VSNL1: variants seen among roughly 807,000 people sequenced by gnomAD.
VSNL1 encodes the protein visinin-like protein 1.
VSNL1 carries 6 observed loss-of-function variants against 20.4 expected under a neutral mutation model. The ratio of observed to expected loss-of-function variants is 0.29; its 90% CI spans 0.16 to 0.58. The LOEUF (loss-of-function observed/expected upper bound fraction) is 0.58, where lower values mean the gene tolerates loss of function less well. Among genes scored for constraint, VSNL1 ranks in the 20% least tolerant of loss-of-function variants. VSNL1 has a pLI of 0.90. For missense variants in VSNL1, 100 were observed against 234.5 expected, an observed-to-expected ratio of 0.43 and a Z score of 3.75; for synonymous variants, 93 against 86.4, an observed-to-expected ratio of 1.08 and a Z score of -0.42.
At chr2:17,636,045 A>C (rs116103496) in intron 2 of VSNL1, among the ~76,000 whole-genome samples, 6,644 of 152,038 alleles carry the variant, frequency 0.044, 523 homozygotes, top group African/African-American at 0.15. Context: ...GGCGGGTGTC[A>C]GGATTTGGTG....
chr2:17,560,501 A>G (rs1320734919), intron 1 of VSNL1, among the ~76,000 whole-genome samples: 6 of 152,178 alleles, frequency 3.9e-5, no homozygotes, highest in Admixed American at 3.3e-4. Context: ...CAAAGGTGGC[A>G]TTTCAATTCA....
At chr2:17,636,031 T>C (rs1196376390) in intron 2 of VSNL1, among the ~76,000 whole-genome samples, 1 of 132,036 alleles carries the variant, frequency 7.6e-6, no homozygotes, top group East Asian at 2.2e-4. Context: ...TGGCATGGGG[T>C]GGGGGCGGGT....
chr2:17,636,078 A>G (rs1665741978), intron 2 of VSNL1, among the ~76,000 whole-genome samples: 1 of 152,108 alleles, frequency 6.6e-6, no homozygotes, highest in South Asian at 2.1e-4. Flanking sequence ...CCCCAGAGTA[A>G]CATTTTAGAA....
At chr2:17,606,498 T>C (rs982361199) in intron 2 of VSNL1, among the ~76,000 whole-genome samples, 7 of 152,150 alleles carry the variant, frequency 4.6e-5, no homozygotes, top group African/African-American at 1.7e-4. Flanking sequence ...GTGCCTACAC[T>C]TCTAGCTTAG....
intron 2 of VSNL1, among the ~76,000 whole-genome samples, chr2:17,604,724 G>A (rs1208213591): frequency 1.3e-5 from 2 of 152,230 alleles, no homozygotes; most frequent in Non-Finnish European, 1.5e-5. Context: ...ATTTTGGTCT[G>A]AAAGCAAAGA....
intron 1 of VSNL1, among the ~76,000 whole-genome samples, chr2:17,544,119 A>T (rs1663356670): frequency 1.3e-5 from 2 of 152,172 alleles, no homozygotes; most frequent in South Asian, 4.1e-4. Flanking sequence ...CCCACTTGGG[A>T]TCTCTTTCTC....
rs1210013943 is a variant in VSNL1, at chr2:17,634,513, T to C, written c.163-14897T>C. On this transcript the variant is annotated intron_variant, in intron 2 of 3. Transcript: ENST00000295156. The surrounding 1 kb of genome is among the most constrained non-coding windows in gnomAD (Gnocchi z 4.3). ...AGAAGCAAGAAATAAAAAGGCAATG[T>C]GTGACATTTCCCAAGGTGCAGACAA... Among the ~76,000 whole-genome samples the C allele has an allele frequency of 6.6e-6, 1 of 152,098 alleles. No individual in the cohort carries two copies. Among genetic ancestry groups the C allele is most frequent in the Non-Finnish European group, 1.5e-5 (1 of 68,022 alleles).
At chr2:17,568,571 C>G (rs1664009778) in intron 1 of VSNL1, among the ~76,000 whole-genome samples, 1 of 152,158 alleles carries the variant, frequency 6.6e-6, no homozygotes, top group Non-Finnish European at 1.5e-5. Flanking sequence ...CAAAACACAA[C>G]CCCCATCATT....
chr2:17,607,998 A>G (rs1360244502), intron 2 of VSNL1, among the ~76,000 whole-genome samples: 1 of 152,226 alleles, frequency 6.6e-6, no homozygotes, highest in Non-Finnish European at 1.5e-5. Context: ...GGAGGTACTT[A>G]CCAGCAAAAG....
At chr2:17,563,493 ATT>A (rs1193886395) in intron 1 of VSNL1, among the ~76,000 whole-genome samples, 1 of 152,224 alleles carries the variant, frequency 6.6e-6, no homozygotes, top group Admixed American at 6.5e-5. Context: ...CTCTTCAGAT[ATT>A]AAGTAAATAG....
rs1288111577 is a variant in VSNL1, at chr2:17,656,083, T to A, written c.*689T>A. The A allele has an allele frequency of 6.6e-6, 1 of 152,638 alleles. No individual in the cohort carries two copies. Among genetic ancestry groups the A allele is most frequent in the African/African-American group, 2.4e-5 (1 of 41,448 alleles). 9.5% of individuals were successfully genotyped at this position (152,638 alleles called of 1,614,324 possible). A position where few individuals can be genotyped will look rare whatever the true frequency, so the allele number is the denominator to read the frequency against. On this transcript the variant is annotated 3_prime_UTR_variant, in exon 4 of 4. Transcript: ENST00000295156. The stretch of plus-strand genomic sequence containing the variant: ...TACATATACACAAAGATATTATTTA[T>A]CGAAAGTAAAAAAGATGGAAGTGTA...
At chr2:17,633,890 T>TA (rs1665693269) in intron 2 of VSNL1, among the ~76,000 whole-genome samples, 2 of 152,076 alleles carry the variant, frequency 1.3e-5, no homozygotes, top group South Asian at 2.1e-4. Context: ...AGCTGAGTGA[T>TA]AAAGGACTAA....
intron 2 of VSNL1, among the ~76,000 whole-genome samples, chr2:17,608,500 C>T (rs1572362575): frequency 6.6e-6 from 1 of 152,186 alleles, no homozygotes; most frequent in South Asian, 2.1e-4. Flanking sequence ...CTCTAGCTGG[C>T]TTTGGGAAAG....
chr2:17,572,665 A>C (rs1313203017), intron 1 of VSNL1, among the ~76,000 whole-genome samples: 2 of 152,202 alleles, frequency 1.3e-5, no homozygotes, highest in African/African-American at 4.8e-5. Flanking sequence ...ACAGGTAGTG[A>C]GAATTAAGGC....
chr2:17,586,381 C>T (rs1365912724), intron 1 of VSNL1, among the ~76,000 whole-genome samples: 2 of 152,136 alleles, frequency 1.3e-5, no homozygotes, highest in Non-Finnish European at 2.9e-5. Flanking sequence ...TAAGGAAGAA[C>T]CAAGGGTGAT....
At position 17,592,640 on chromosome 2, in the gene VSNL1, C is replaced by CTTTTTT. The variant is rs55756596; in HGVS notation, c.162+438_162+443dup. On this transcript the variant is annotated intron_variant, in intron 2 of 3. Coordinates refer to ENST00000295156, the MANE Select transcript of VSNL1 (RefSeq NM_003385.5). ...AAGAGGGCTTTTTCTCTCTCTCTCT[C>CTTTTTT]TTTTTTTTTTTTTTTTTTTTTTTTT... Among the ~76,000 whole-genome samples, 8 of 70,858 alleles carry CTTTTTT rather than the reference C, an allele frequency of 1.1e-4. 1 individual carries two copies. Among genetic ancestry groups the CTTTTTT allele is most frequent in the African/African-American group, 3.9e-4 (8 of 20,352 alleles). The allele number at this position is 70,858 out of a possible 152,430, so 46.5% of individuals were successfully genotyped here.
At chr2:17,610,176 C>T (rs754229630) in intron 2 of VSNL1, among the ~76,000 whole-genome samples, 2 of 152,188 alleles carry the variant, frequency 1.3e-5, no homozygotes, top group Non-Finnish European at 2.9e-5. Context: ...TTTACTGATA[C>T]AGAATGACTG....
intron 2 of VSNL1, among the ~76,000 whole-genome samples, chr2:17,641,603 A>G (rs1665884041): frequency 6.6e-6 from 1 of 152,250 alleles, no homozygotes; most frequent in African/African-American, 2.4e-5. Flanking sequence ...TGTATTAGAC[A>G]GAAATAAAAA....
intron 2 of VSNL1, among the ~76,000 whole-genome samples, chr2:17,600,082 C>A (rs1357463653): frequency 1.3e-5 from 2 of 152,204 alleles, no homozygotes; most frequent in Non-Finnish European, 1.5e-5. Flanking sequence ...CAACTTTTAG[C>A]AAGGACATTC....
Sources: allele counts gnomAD v4.1 joint callset (sites outside exome capture counted in the v4.1 genomes callset), GRCh38; gene constraint gnomAD v4.1.1; non-coding constraint Gnocchi (gnomAD v3.1); transcripts MANE v1.5; gene names NCBI Gene and HGNC (gene_info 2026-07-23, HGNC 2026-07-21).